SPOCK3: variants seen among roughly 807,000 people sequenced by gnomAD.
SPOCK3 encodes SPARC (osteonectin), cwcv and kazal like domains proteoglycan 3, also known as testican-3.
SPOCK3 carries 30 observed loss-of-function variants against 56.6 expected under a neutral mutation model. The ratio of observed to expected loss-of-function variants is 0.53; its 90% CI spans 0.40 to 0.72. The LOEUF (loss-of-function observed/expected upper bound fraction) is 0.72. Ranked by LOEUF, SPOCK3 falls within the 30% of genes least tolerant of loss-of-function variation. The pLI, the probability that SPOCK3 is intolerant of heterozygous loss-of-function variation, is 0.00. For synonymous variants in SPOCK3, 196 were observed against 183.3 expected (o/e 1.07, Z -0.56); for missense variants, 527 against 530.0 (o/e 0.99, Z 0.06).
In SPOCK3 at chr4:166,823,860, A is replaced by G. The variant is rs527669647; in HGVS notation, c.590-31571T>C. Among the ~76,000 whole-genome samples, 33 of 152,228 alleles carry G rather than the reference A, an allele frequency of 2.2e-4. 1 individual carries two copies. In the South Asian group the frequency reaches 6.8e-3, roughly 32 times the overall value. ...TGGCACCACACTCAAATTTATAAAC[A>G]TCCCATTATTTTAGAAAATAGCCTA... is the stretch of plus-strand genomic sequence containing the variant. On this transcript the variant is annotated intron_variant, in intron 6 of 10. Coordinates refer to ENST00000357545, the MANE Select transcript of SPOCK3 (RefSeq NM_001040159.2).
At chr4:166,974,857 T>C (rs1390233725) in intron 4 of SPOCK3, among the ~76,000 whole-genome samples, 1 of 152,228 alleles carries the variant, frequency 6.6e-6, no homozygotes, top group Non-Finnish European at 1.5e-5. Context: ...TCTCCAAAAC[T>C]TACACTGAAT....
chr4:166,884,870 AACACACAC>A (rs34910996), intron 6 of SPOCK3, among the ~76,000 whole-genome samples: 1 of 147,470 alleles, frequency 6.8e-6, no homozygotes, highest in Non-Finnish European at 1.5e-5. Context: ...AAACTGGTTA[AACACACAC>A]ACACACACAC....
At chr4:166,940,456 T>C (rs563179653) in intron 4 of SPOCK3, among the ~76,000 whole-genome samples, 5 of 152,010 alleles carry the variant, frequency 3.3e-5, no homozygotes, top group Admixed American at 2.0e-4. Flanking sequence ...GCAGCAACCA[T>C]GGTGACCGTA....
At chr4:166,957,945 G>T (rs948924921) in intron 4 of SPOCK3, among the ~76,000 whole-genome samples, 1 of 152,120 alleles carries the variant, frequency 6.6e-6, no homozygotes, top group African/African-American at 2.4e-5. Context: ...GTGAAGAATT[G>T]GGGGGTTACT....
chr4:167,138,056 A>T (rs1490484259), intron 2 of SPOCK3, among the ~76,000 whole-genome samples: 1 of 151,678 alleles, frequency 6.6e-6, no homozygotes, highest in East Asian at 1.9e-4. Flanking sequence ...ATAGTATTTC[A>T]AATTTATATT....
At chr4:167,106,722 T>TA in intron 2 of SPOCK3, among the ~76,000 whole-genome samples, 1 of 143,908 alleles carries the variant, frequency 6.9e-6, no homozygotes, top group Non-Finnish European at 1.5e-5. Flanking sequence ...TTTTTTTTTT[T>TA]GAAAAGATAA....
At chr4:167,095,308 T>A (rs1175908414) in intron 2 of SPOCK3, among the ~76,000 whole-genome samples, 3 of 152,140 alleles carry the variant, frequency 2.0e-5, no homozygotes, top group Non-Finnish European at 4.4e-5. Context: ...CTTCTTTTTT[T>A]ATTCTATTAT....
chr4:167,025,042 T>C (rs1299415461), intron 3 of SPOCK3, among the ~76,000 whole-genome samples: 1 of 152,048 alleles, frequency 6.6e-6, no homozygotes, highest in South Asian at 2.1e-4. Flanking sequence ...TCATTGAGGA[T>C]AAGATGCAGC....
At chr4:167,010,519 C>CAAAAAAAAAAAA (rs11408189) in intron 3 of SPOCK3, among the ~76,000 whole-genome samples, 1 of 109,844 alleles carries the variant, frequency 9.1e-6, no homozygotes, top group African/African-American at 3.5e-5. Context: ...GACTCTGTCT[C>CAAAAAAAAAAAA]AAAAAAAAAA....
intron 3 of SPOCK3, among the ~76,000 whole-genome samples, chr4:167,046,127 T>C (rs1486794182): frequency 1.3e-5 from 2 of 152,114 alleles, no homozygotes; most frequent in East Asian, 1.9e-4. Context: ...AGCATGTTGA[T>C]TTTTTGACTC....
At chr4:167,098,718 C>A (rs893726389) in intron 2 of SPOCK3, among the ~76,000 whole-genome samples, 1 of 151,794 alleles carries the variant, frequency 6.6e-6, no homozygotes, top group African/African-American at 2.4e-5. Context: ...TTTCTGTTCC[C>A]AGCATTTTAA....
At chr4:166,827,586 G>A (rs1474990265) in intron 6 of SPOCK3, among the ~76,000 whole-genome samples, 1 of 151,990 alleles carries the variant, frequency 6.6e-6, no homozygotes, top group South Asian at 2.1e-4. Context: ...AAAATAAATG[G>A]CTCAGGTCAG....
At chr4:166,836,021 C>A (rs12640699) in intron 6 of SPOCK3, among the ~76,000 whole-genome samples, 119,013 of 151,946 alleles carry the variant, frequency 0.78, 46,974 homozygotes, top group Non-Finnish European at 0.83. Context: ...CACACACACA[C>A]AAAAAATTCT....
chr4:167,163,166 A>ATTT (rs560014140), intron 2 of SPOCK3, among the ~76,000 whole-genome samples: 7 of 127,872 alleles, frequency 5.5e-5, no homozygotes, highest in African/African-American at 1.5e-4. Flanking sequence ...TTGTTGGGGG[A>ATTT]TTTTTTTTTT....
At chr4:167,210,335 T>C (rs1240713668) in intron 2 of SPOCK3, among the ~76,000 whole-genome samples, 1 of 152,104 alleles carries the variant, frequency 6.6e-6, no homozygotes, top group Non-Finnish European at 1.5e-5. Context: ...TTGAATCACC[T>C]CCCACTACAG....
intron 3 of SPOCK3, among the ~76,000 whole-genome samples, chr4:167,041,524 C>T (rs1404930702): frequency 6.6e-6 from 1 of 151,988 alleles, no homozygotes; most frequent in Non-Finnish European, 1.5e-5. Context: ...CCAGTTTGTT[C>T]TTGTGTTAGA....
intron 2 of SPOCK3, among the ~76,000 whole-genome samples, chr4:167,079,752 A>G (rs936885831): frequency 6.6e-6 from 1 of 152,066 alleles, no homozygotes; most frequent in Non-Finnish European, 1.5e-5. Context: ...TTTAAGAAAA[A>G]GTAAATGGGA....
At chr4:167,012,548 A>G (rs941607667) in intron 3 of SPOCK3, among the ~76,000 whole-genome samples, 4 of 151,996 alleles carry the variant, frequency 2.6e-5, no homozygotes, top group Non-Finnish European at 5.9e-5. Context: ...CTTGGGGAAA[A>G]AAATTAAGAA....
chr4:166,815,509 A>G (rs1744292940), intron 6 of SPOCK3, among the ~76,000 whole-genome samples: 1 of 152,102 alleles, frequency 6.6e-6, no homozygotes, highest in Non-Finnish European at 1.5e-5. Context: ...TAACACATGT[A>G]GGGCAAGCAA....
Sources: gnomAD v4.1 joint callset for allele counts (sites outside exome capture counted in the v4.1 genomes callset) on GRCh38, gnomAD v4.1.1 for gene constraint, MANE v1.5 for transcripts, NCBI Gene and HGNC (gene_info 2026-07-23, HGNC 2026-07-21) for gene names.